BAZ2A: variants seen among roughly 807,000 people sequenced by gnomAD.
BAZ2A encodes the protein bromodomain adjacent to zinc finger domain 2A.
A neutral mutation model predicts 199.9 loss-of-function variants in BAZ2A; 34 were observed. The ratio of observed to expected loss-of-function variants is 0.17; its 90% CI spans 0.13 to 0.23. The LOEUF is 0.23. Among genes scored for constraint, BAZ2A ranks in the 10% least tolerant of loss-of-function variants. BAZ2A has a pLI of 1.00. For missense variants in BAZ2A, 2,002 were observed against 2,391.1 expected (o/e 0.84, Z 3.39); for synonymous variants, 857 against 883.9 (o/e 0.97, Z 0.54).
Position 56,610,159 on chromosome 12 carries a change from G to T in BAZ2A, c.1836C>A (p.Pro612=), listed in dbSNP as rs753855406. The change falls in exon 9 of 29, where the codon CCC becomes CCA. Residue 612 remains proline, a synonymous_variant. Transcript: ENST00000549884. ...CAAAGAAATCTCCAACAGGCATACG[G>T]GGACTGAAGCTGAAGTGCTCTCGGC... ...SVRREHFSFS[P]RMPVGDFFEE... is the part of the protein sequence containing the mutation. 57 of 1,613,914 alleles carry T rather than the reference G, an allele frequency of 3.5e-5. No homozygotes were observed. The highest frequency in any genetic ancestry group is 3.3e-4 in the Middle Eastern group (2 of 6,062).
chr12:56,635,075 G>A, upstream of BAZ2A: 1 of 977,780 alleles, frequency 1.0e-6, no homozygotes, highest in Non-Finnish European at 1.2e-6. The surrounding 1 kb of genome is among the most constrained non-coding windows in gnomAD (Gnocchi z 4.1). Flanking sequence ...GTGCTTAAAG[G>A]GGCAGGAACT....
intron 1 of BAZ2A, among the ~76,000 whole-genome samples, chr12:56,625,995 G>A (rs1951087432): frequency 1.3e-5 from 2 of 151,562 alleles, no homozygotes; most frequent in East Asian, 1.9e-4. Context: ...TCTCTTTAAA[G>A]AGGAGAAAAG....
At chr12:56,625,904 C>CA (rs1565836590) in intron 1 of BAZ2A, among the ~76,000 whole-genome samples, 1 of 138,776 alleles carries the variant, frequency 7.2e-6, no homozygotes, top group Non-Finnish European at 1.6e-5. Context: ...AAAACAACAA[C>CA]AAAAAACTTC....
rs1215496189 is a variant in BAZ2A, at chr12:56,596,148, T to A, written c.*2470A>T. 8 of 152,716 alleles carry A rather than the reference T, an allele frequency of 5.2e-5. No homozygotes were observed. The highest frequency in any genetic ancestry group is 1.9e-4 in the African/African-American group (8 of 41,476). The allele number at this position is 152,716 out of a possible 1,614,324, so 9.5% of individuals were successfully genotyped here. On this transcript the variant is annotated 3_prime_UTR_variant, in exon 29 of 29. Transcript: ENST00000549884. ...ATCAAAAAGTCACTAAAACACCACA[T>A]TTGGTTATATAAAAAGTCCCTTTTG...
At chr12:56,637,874 C>G, upstream of BAZ2A, among the ~76,000 whole-genome samples, 1 of 152,148 alleles carries the variant, frequency 6.6e-6, no homozygotes, top group East Asian at 1.9e-4. Context: ...GTACGGTTGT[C>G]CATCAACAAA....
chr12:56,623,465 TG>T lies in BAZ2A; in HGVS notation c.-2-5934del, dbSNP rs1420668823. ...TACATCAAAATCTCACAAATGGGGT[TG>T]GGGGGTGAGAGAGATTTCAAATGTT... is the stretch of plus-strand genomic sequence containing the variant. On this transcript the variant is annotated intron_variant, in intron 1 of 28. Transcript: ENST00000549884. Among the ~76,000 whole-genome samples the T allele has an allele frequency of 3.3e-5, 5 of 152,206 alleles. No individual in the cohort carries two copies. In the East Asian group the frequency reaches 7.7e-4, roughly 23 times the overall value.
At chr12:56,599,437 AT>A in intron 26 of BAZ2A, 79 bp from the exon 27 acceptor site, 1 of 1,457,382 alleles carries the variant, frequency 6.9e-7, no homozygotes, top group Admixed American at 2.1e-5. Context: ...CCTAAATATG[AT>A]TTAAGGCTTC....
chr12:56,614,378 A>G (rs933958371), intron 3 of BAZ2A: 3 of 440,202 alleles, frequency 6.8e-6, no homozygotes, highest in African/African-American at 5.8e-5. Context: ...CATCTCTATC[A>G]TGTTCTCAGA....
chr12:56,619,508 CAAA>C (rs397850754), intron 1 of BAZ2A, among the ~76,000 whole-genome samples: 6 of 84,772 alleles, frequency 7.1e-5, no homozygotes, highest in Admixed American at 1.2e-4. Context: ...GACCCTGTCT[CAAA>C]AAAAAAAAAA....
At chr12:56,606,933 C>G (rs1950376650) in intron 10 of BAZ2A, among the ~76,000 whole-genome samples, 200 bp from the exon 11 acceptor site, 1 of 151,298 alleles carries the variant, frequency 6.6e-6, no homozygotes, top group Non-Finnish European at 1.5e-5. Context: ...GGGGGTGGCA[C>G]AAAGAACTCA....
Position 56,635,693 on chromosome 12 carries a change from C to CA in BAZ2A, c.4+488dup, listed in dbSNP as rs1951432609. On this transcript the variant is annotated intron_variant, in intron 1 of 29. Transcript: ENST00000379441. This position sits in a 1 kb window ranked among gnomAD's most constrained non-coding sequence, Gnocchi z 4.1. ...ACCCTTGCTTCAGTCTCTGGGGCAA[C>CA]AGGAAGCAGCTGCTCAGTGCAGCCC... Among the ~76,000 whole-genome samples the CA allele has an allele frequency of 6.6e-6, 1 of 152,116 alleles. No homozygotes were observed. The highest frequency in any genetic ancestry group is 2.1e-4 in the South Asian group (1 of 4,832).
At chr12:56,629,337 C>G (rs1951214281) in intron 1 of BAZ2A, among the ~76,000 whole-genome samples, 1 of 152,224 alleles carries the variant, frequency 6.6e-6, no homozygotes, top group Admixed American at 6.5e-5. Context: ...CTCCTGAAAA[C>G]TGGGAACACC....
upstream of BAZ2A, among the ~76,000 whole-genome samples, chr12:56,638,019 C>T (rs1951483091): frequency 6.6e-6 from 1 of 152,152 alleles, no homozygotes; most frequent in African/African-American, 2.4e-5. Flanking sequence ...ACACCTGTAG[C>T]CCCAGCTACT....
rs760313046 is a variant in BAZ2A, at chr12:56,604,784, C to T, written c.2764G>A (p.Gly922Arg). The change falls in exon 15 of 29, where the codon GGG (glycine) becomes AGG (arginine). Residue 922 changes from glycine to arginine, a missense_variant. Coordinates refer to ENST00000549884, the MANE Select transcript of BAZ2A (RefSeq NM_001300905.2). ...PSYCQSLKILGEKVSEIPLTR... is the reference protein window; with the variant it reads ...PSYCQSLKILREKVSEIPLTR... ...AGTGGGATCTCAGACACCTTCTCCC[C>T]CAAGATCTTTAGGGACTGTGTGGAG... 4 of 1,613,546 alleles carry T rather than the reference C, an allele frequency of 2.5e-6. No individual in the cohort carries two copies. Among genetic ancestry groups the T allele is most frequent in the South Asian group, 1.1e-5 (1 of 90,928 alleles).
chr12:56,624,339 A>C (rs1951014969), intron 1 of BAZ2A, among the ~76,000 whole-genome samples: 1 of 152,208 alleles, frequency 6.6e-6, no homozygotes, highest in African/African-American at 2.4e-5. Context: ...TACTCAAAGA[A>C]AACTGTCACG....
intron 1 of BAZ2A, among the ~76,000 whole-genome samples, chr12:56,624,452 T>C (rs948430006): frequency 2.0e-5 from 3 of 152,224 alleles, no homozygotes; most frequent in Non-Finnish European, 2.9e-5. Flanking sequence ...TCCACCATTA[T>C]ATCCCTAGCA....
chr12:56,603,297 GA>G, intron 18 of BAZ2A, 61 bp downstream of exon 18: 1 of 1,524,696 alleles, frequency 6.6e-7, no homozygotes, highest in Non-Finnish European at 9.0e-7. Context: ...GTTTAAAAAA[GA>G]AGCTGATCAA....
At chr12:56,618,533 T>C (rs1380169708) in intron 1 of BAZ2A, among the ~76,000 whole-genome samples, 1 of 152,136 alleles carries the variant, frequency 6.6e-6, no homozygotes, top group Non-Finnish European at 1.5e-5. Context: ...GACATCCTAG[T>C]GCATACCAAC....
intron 1 of BAZ2A, among the ~76,000 whole-genome samples, chr12:56,623,625 C>T (rs1427937997): frequency 9.9e-5 from 15 of 152,190 alleles, no homozygotes; most frequent in Non-Finnish European, 2.9e-5. Flanking sequence ...CACTCTAATA[C>T]AGAGGTTCTC....
Sources: gnomAD v4.1 joint callset for allele counts (sites outside exome capture counted in the v4.1 genomes callset) on GRCh38, gnomAD v4.1.1 for gene constraint, Gnocchi (gnomAD v3.1) non-coding constraint, MANE v1.5 for transcripts, NCBI Gene and HGNC (gene_info 2026-07-23, HGNC 2026-07-21) for gene names.